Variants in PPP2R2B observed in about 807,000 individuals in gnomAD.
The protein encoded by PPP2R2B is serine/threonine-protein phosphatase 2A 55 kDa regulatory subunit B beta isoform.
Under a neutral mutation model 46.0 loss-of-function variants are expected in PPP2R2B, and 5 were observed. The ratio of observed to expected loss-of-function variants is 0.11; its 90% CI spans 0.06 to 0.23. The LOEUF is 0.23. Among genes scored for constraint, PPP2R2B ranks in the 10% least tolerant of loss-of-function variants. The probability of loss-of-function intolerance (pLI) is 1.00; values close to 1 mark genes in which losing one functional copy is unlikely to be tolerated. For synonymous variants in PPP2R2B, 215 were observed against 206.7 expected, an observed-to-expected ratio of 1.04 and a Z score of -0.34; for missense variants, 367 against 575.0, an observed-to-expected ratio of 0.64 and a Z score of 3.70.
chr5:146,983,679 C>T (rs1048571922), intron 1 of PPP2R2B, among the ~76,000 whole-genome samples: 12 of 152,160 alleles, frequency 7.9e-5, no homozygotes, highest in African/African-American at 2.7e-4. Flanking sequence ...TTTAGAACCT[C>T]ATCAGACATT....
In PPP2R2B at chr5:146,581,878, A is replaced by T. The variant is rs1028723470; in HGVS notation, c.*8069T>A. The T allele has an allele frequency of 2.6e-5, 4 of 152,238 alleles. No homozygotes were observed. Among genetic ancestry groups the T allele is most frequent in the Admixed American group, 2.6e-4 (4 of 15,284 alleles). 9.4% of individuals were successfully genotyped at this position (152,238 alleles called of 1,614,324 possible). On this transcript the variant is annotated 3_prime_UTR_variant, in exon 10 of 10. Coordinates refer to ENST00000394411, the MANE Select transcript of PPP2R2B (RefSeq NM_181675.4). ...ATGGTCTAGATGAAATATGACTTTC[A>T]ATTATGCCACAGTCAGAGAAGCTGA...
chr5:146,656,152 G>A lies in PPP2R2B; in HGVS notation c.448-5428C>T, dbSNP rs146481812. 4.6e-3 allele frequency among the ~76,000 whole-genome samples: 701 copies of A among 152,254 alleles called. 3 individuals are homozygous for A. Among genetic ancestry groups the A allele is most frequent in the Middle Eastern group, 0.044 (13 of 294 alleles). On this transcript the variant is annotated intron_variant, in intron 5 of 9. Coordinates refer to ENST00000394411, the MANE Select transcript of PPP2R2B (RefSeq NM_181675.4). ...AGTTCTTGTGTGTATGTGTACATGA[G>A]GAAAACCTGAGTTGGGTAAGGGGCT...
At chr5:146,990,016 A>G (rs1000032039) in intron 1 of PPP2R2B, among the ~76,000 whole-genome samples, 4 of 148,066 alleles carry the variant, frequency 2.7e-5, no homozygotes, top group African/African-American at 9.7e-5. Flanking sequence ...AATGCTAGAC[A>G]TAATAACCAA....
intron 2 of PPP2R2B, among the ~76,000 whole-genome samples, chr5:146,749,154 G>A (rs970724548): frequency 6.6e-6 from 1 of 152,166 alleles, no homozygotes; most frequent in Admixed American, 6.5e-5. Flanking sequence ...CTTAATGGCT[G>A]ATAGTGTTAA....
chr5:146,628,679 T>G (rs904949806), intron 7 of PPP2R2B, among the ~76,000 whole-genome samples: 1 of 152,198 alleles, frequency 6.6e-6, no homozygotes, highest in Non-Finnish European at 1.5e-5. Flanking sequence ...ACCTACCCTG[T>G]GCCACCACAC....
At chr5:146,955,611 G>A (rs1197682601) in intron 1 of PPP2R2B, among the ~76,000 whole-genome samples, 2 of 151,978 alleles carry the variant, frequency 1.3e-5, no homozygotes, top group African/African-American at 4.8e-5. Context: ...GTGCTCTTCT[G>A]ACTCTTTTTA....
At chr5:146,656,320 G>A (rs1776329012) in intron 5 of PPP2R2B, 1 of 152,606 alleles carries the variant, frequency 6.6e-6, no homozygotes, top group Non-Finnish European at 1.5e-5. Context: ...AGGGGGAACA[G>A]GAAATGCAAA....
chr5:147,074,841 A>C (rs944761582), intron 2 of PPP2R2B, among the ~76,000 whole-genome samples: 1 of 152,160 alleles, frequency 6.6e-6, no homozygotes, highest in African/African-American at 2.4e-5. Context: ...TCGATAGAGT[A>C]CCTCATCCTT....
In PPP2R2B at chr5:146,826,158, C is replaced by A. The variant is rs571556380; in HGVS notation, c.70+51844G>T. ...TTGGCATTTCTTTTTTAAAAATGCCCCAGTCATGATTTAATCTGAACACAT... is the reference window on the plus strand; with the variant it reads ...TTGGCATTTCTTTTTTAAAAATGCCACAGTCATGATTTAATCTGAACACAT... On this transcript the variant is annotated intron_variant, in intron 2 of 9. Transcript: ENST00000394411. Among the ~76,000 whole-genome samples, 19 of 152,124 alleles carry A rather than the reference C, an allele frequency of 1.2e-4. No homozygotes were observed. The South Asian group carries it at 3.7e-3, about 30-fold the overall frequency.
chr5:146,968,031 C>T (rs1269067633), intron 1 of PPP2R2B, among the ~76,000 whole-genome samples: 3 of 152,190 alleles, frequency 2.0e-5, no homozygotes, highest in Non-Finnish European at 4.4e-5. Flanking sequence ...CTAGAACAAT[C>T]TTGCCAATTA....
At chr5:146,937,039 C>A (rs319147) in intron 1 of PPP2R2B, among the ~76,000 whole-genome samples, 33,119 of 152,000 alleles carry the variant, frequency 0.22, 4,493 homozygotes, top group African/African-American at 0.38. Flanking sequence ...TGGTTGCTCA[C>A]GTCTGTAATC....
intron 1 of PPP2R2B, among the ~76,000 whole-genome samples, chr5:147,001,151 A>G (rs1052238816): frequency 6.6e-6 from 1 of 152,172 alleles, no homozygotes; most frequent in African/African-American, 2.4e-5. Context: ...AAATGGACCA[A>G]TCACCAGGGT....
intron 1 of PPP2R2B, among the ~76,000 whole-genome samples, chr5:147,043,638 A>G (rs1013044707): frequency 6.6e-6 from 1 of 152,096 alleles, no homozygotes; most frequent in Non-Finnish European, 1.5e-5. Context: ...TTATTCACCT[A>G]TTTACTTCCT....
At chr5:146,771,514 T>C (rs1298397534) in intron 2 of PPP2R2B, among the ~76,000 whole-genome samples, 1 of 152,174 alleles carries the variant, frequency 6.6e-6, no homozygotes, top group Non-Finnish European at 1.5e-5. Flanking sequence ...AGGGTACATG[T>C]GATTTAAATA....
intron 2 of PPP2R2B, among the ~76,000 whole-genome samples, chr5:146,703,084 T>G (rs1779638999): frequency 6.6e-6 from 1 of 152,210 alleles, no homozygotes; most frequent in East Asian, 1.9e-4. Context: ...TACTTAACAT[T>G]TGCAGTTGCT....
intron 1 of PPP2R2B, among the ~76,000 whole-genome samples, chr5:146,928,216 T>C (rs1312783587): frequency 6.7e-6 from 1 of 148,322 alleles, no homozygotes. Context: ...CCTTTGGTGA[T>C]TTCATCGATT....
intron 1 of PPP2R2B, among the ~76,000 whole-genome samples, chr5:146,950,662 G>C (rs1764624316): frequency 6.6e-6 from 1 of 151,968 alleles, no homozygotes; most frequent in African/African-American, 2.4e-5. Context: ...GCTGTACATA[G>C]TATCCCTAGA....
At chr5:146,905,640 T>C (rs1762972141) in intron 1 of PPP2R2B, among the ~76,000 whole-genome samples, 1 of 152,198 alleles carries the variant, frequency 6.6e-6, no homozygotes, top group Non-Finnish European at 1.5e-5. Flanking sequence ...AGTACATCTA[T>C]ACAATGTAAT....
intron 1 of PPP2R2B, among the ~76,000 whole-genome samples, chr5:147,012,596 C>T (rs370728130): frequency 4.0e-5 from 6 of 151,854 alleles, no homozygotes; most frequent in Admixed American, 1.3e-4. Context: ...CTGCTCTGAT[C>T]TTAGTTATTT....
Sources: allele counts gnomAD v4.1 joint callset (sites outside exome capture counted in the v4.1 genomes callset), GRCh38; gene constraint gnomAD v4.1.1; transcripts MANE v1.5; gene names NCBI Gene and HGNC (gene_info 2026-07-23, HGNC 2026-07-21).